Variants in KANSL1 observed in about 807,000 individuals in gnomAD.
The protein encoded by KANSL1 is MLL1/MLL complex subunit KANSL1.
In KANSL1, 22 loss-of-function variants were observed where a neutral mutation model predicts 103.6. That is an observed-to-expected ratio of 0.21 (90% CI 0.15 to 0.30). KANSL1 has a LOEUF of 0.30. KANSL1 is among the 10% of genes least tolerant of loss of function. The pLI is 1.00. For missense variants in KANSL1, 1,337 were observed against 1,399.8 expected, an observed-to-expected ratio of 0.96 and a Z score of 0.72; for synonymous variants, 600 against 527.6, an observed-to-expected ratio of 1.14 and a Z score of -1.88.
chr17:46,094,225 T>A (rs562598149), intron 3 of KANSL1: 1 of 259,996 alleles, frequency 3.8e-6, no homozygotes, highest in Non-Finnish European at 7.2e-6. Flanking sequence ...GCCTCCTAAG[T>A]AGCTGGGACT....
At chr17:46,218,319 G>A (rs942083640) in intron 1 of KANSL1, among the ~76,000 whole-genome samples, 1 of 152,242 alleles carries the variant, frequency 6.6e-6, no homozygotes, top group African/African-American at 2.4e-5. Flanking sequence ...CACTCTGCGT[G>A]AATAAACTCA....
intron 2 of KANSL1, among the ~76,000 whole-genome samples, chr17:46,116,849 T>C (rs950033124): frequency 2.0e-5 from 3 of 152,328 alleles, no homozygotes; most frequent in Non-Finnish European, 4.4e-5. Flanking sequence ...TTATTTTAAA[T>C]GTACAACAAA....
At chr17:46,098,571 G>A (rs770226753) in intron 2 of KANSL1, among the ~76,000 whole-genome samples, 18 of 152,164 alleles carry the variant, frequency 1.2e-4, no homozygotes, top group Admixed American at 3.9e-4. Context: ...CCCTACACAG[G>A]TATTTACCTA....
chr17:46,122,371 A>G (rs1048252291), intron 2 of KANSL1, among the ~76,000 whole-genome samples: 13 of 152,252 alleles, frequency 8.5e-5, no homozygotes, highest in Non-Finnish European at 1.5e-4. Flanking sequence ...GTAGGACACA[A>G]GCATATTTAG....
At chr17:46,213,813 G>A (rs1416660114) in intron 1 of KANSL1, among the ~76,000 whole-genome samples, 2 of 152,132 alleles carry the variant, frequency 1.3e-5, no homozygotes, top group South Asian at 2.1e-4. Context: ...AGATACTCAG[G>A]AGGCTGAGGA....
intron 1 of KANSL1, among the ~76,000 whole-genome samples, chr17:46,199,822 G>C (rs1387426184): frequency 1.3e-5 from 2 of 152,172 alleles, no homozygotes; most frequent in Non-Finnish European, 2.9e-5. Context: ...GGATAATTCA[G>C]AAGACAACAT....
At chr17:46,062,674 A>G (rs573718104) in intron 6 of KANSL1, among the ~76,000 whole-genome samples, 1 of 152,148 alleles carries the variant, frequency 6.6e-6, no homozygotes, top group South Asian at 2.1e-4. Context: ...TTTAAGGGCA[A>G]AAGAGTTACT....
chr17:46,046,309 A>C (rs2077501874), intron 7 of KANSL1, among the ~76,000 whole-genome samples: 1 of 151,500 alleles, frequency 6.6e-6, no homozygotes, highest in African/African-American at 2.4e-5. Flanking sequence ...CAAGATGGGT[A>C]GATCGCTTGG....
At chr17:46,151,627 T>C (rs1315700030) in intron 2 of KANSL1, among the ~76,000 whole-genome samples, 2 of 152,250 alleles carry the variant, frequency 1.3e-5, no homozygotes, top group African/African-American at 4.8e-5. Flanking sequence ...GTACTCCTTG[T>C]AACTAAAATC....
intron 2 of KANSL1, among the ~76,000 whole-genome samples, chr17:46,126,397 G>A (rs898741871): frequency 1.3e-5 from 2 of 152,078 alleles, no homozygotes; most frequent in African/African-American, 2.4e-5. Flanking sequence ...AGTCGAGATC[G>A]CGCCATTGCA....
At position 46,039,159 on chromosome 17, in the gene KANSL1, C is replaced by T. The variant is rs773184800; in HGVS notation, c.2260G>A (p.Val754Met). The change falls in exon 9 of 15, where the codon GTG becomes ATG. Residue 754 changes from valine (V) to methionine (M), a missense_variant. This residue lies in a region of KANSL1 where 780 missense variants were observed against 923.4 expected (regional missense o/e 0.84). Coordinates refer to ENST00000432791, the MANE Select transcript of KANSL1 (RefSeq NM_015443.4). The stretch of plus-strand genomic sequence containing the variant: ...CGCTCCACCATGGGCACGGCCCCCA[C>T]ATCGTCTAAGTGCTGCCTGTGGGTC... The part of the protein sequence containing the change: ...DRTHRQHLDD[V>M]GAVPMVERVT... The T allele has an allele frequency of 3.7e-6, 6 of 1,611,480 alleles. No individual in the cohort carries two copies. The African/African-American group carries it at 4.0e-5, about 11-fold the overall frequency.
chr17:46,073,935 C>A (rs150509901), intron 4 of KANSL1, among the ~76,000 whole-genome samples: 223 of 152,130 alleles, frequency 1.5e-3, no homozygotes, highest in Non-Finnish European at 2.1e-3. Flanking sequence ...CTGTGTTGAA[C>A]TGGTATGAAC....
intron 2 of KANSL1, among the ~76,000 whole-genome samples, chr17:46,163,481 A>G (rs2045850148): frequency 6.6e-6 from 1 of 152,274 alleles, no homozygotes; most frequent in East Asian, 1.9e-4. Flanking sequence ...TCCTGTCTCA[A>G]CTTCCTGAGA....
chr17:46,129,759 T>C (rs572893221), intron 2 of KANSL1, among the ~76,000 whole-genome samples: 6 of 152,184 alleles, frequency 3.9e-5, no homozygotes, highest in Non-Finnish European at 8.8e-5. Flanking sequence ...AAGATTCAGA[T>C]TGGACAGTCT....
intron 2 of KANSL1, among the ~76,000 whole-genome samples, chr17:46,148,899 T>TAAAA (rs202016754): frequency 0.01 from 1,446 of 138,556 alleles, no homozygotes; most frequent in Admixed American, 0.016. Flanking sequence ...TGCTTACACT[T>TAAAA]AAAAAAAAAA....
chr17:46,126,758 T>C (rs2043578339), intron 2 of KANSL1, among the ~76,000 whole-genome samples: 1 of 152,162 alleles, frequency 6.6e-6, no homozygotes, highest in South Asian at 2.1e-4. Flanking sequence ...ACAAATGTTA[T>C]AAAGAAAAAA....
chr17:46,182,666 T>C (rs912815907), intron 1 of KANSL1, among the ~76,000 whole-genome samples: 2 of 152,272 alleles, frequency 1.3e-5, no homozygotes, highest in African/African-American at 4.8e-5. Context: ...CTATGCTAAG[T>C]ATCTTACATA....
chr17:46,183,974 C>A lies in KANSL1; in HGVS notation c.-90+8849G>T, dbSNP rs183058374. Among the ~76,000 whole-genome samples, 727 of 152,280 alleles carry A rather than the reference C, an allele frequency of 4.8e-3. 6 individuals are homozygous for A. The highest frequency in any genetic ancestry group is 0.018 in the Admixed American group (277 of 15,290). On this transcript the variant is annotated intron_variant, in intron 1 of 14. Coordinates refer to ENST00000432791, the MANE Select transcript of KANSL1 (RefSeq NM_015443.4). ...TTGCCTATACAACTACTTCAAGCATCCCATATTCAAAACCCATTCCCTGCC... is the reference window on the plus strand; with the variant it reads ...TTGCCTATACAACTACTTCAAGCATACCATATTCAAAACCCATTCCCTGCC...
intron 6 of KANSL1, among the ~76,000 whole-genome samples, chr17:46,063,118 G>A (rs1173124569): frequency 6.6e-6 from 1 of 152,204 alleles, no homozygotes; most frequent in Admixed American, 6.5e-5. Flanking sequence ...GTTCTGGAAT[G>A]CAGTAGAGAT....
Sources: allele counts gnomAD v4.1 joint callset (sites outside exome capture counted in the v4.1 genomes callset), GRCh38; gene constraint gnomAD v4.1.1; regional missense constraint gnomAD v4.1.1; transcripts MANE v1.5; gene names NCBI Gene and HGNC (gene_info 2026-07-23, HGNC 2026-07-21).